Variants in TMCO5A observed in about 807,000 individuals in gnomAD.
TMCO5A encodes transmembrane and coiled-coil domains 5A.
In TMCO5A, 34 loss-of-function variants were observed where a neutral mutation model predicts 42.3. The ratio of observed to expected loss-of-function variants is 0.80; its 90% CI spans 0.61 to 1.07. The LOEUF (loss-of-function observed/expected upper bound fraction) is 1.07, where lower values mean the gene tolerates loss of function less well. TMCO5A is among the 50% of genes least tolerant of loss of function. The pLI is 0.00. For missense variants in TMCO5A, 357 were observed against 327.9 expected, an observed-to-expected ratio of 1.09 and a Z score of -0.69; for synonymous variants, 131 against 115.6, an observed-to-expected ratio of 1.13 and a Z score of -0.86.
At chr15:38,011,397 G>T in the TMCO5A span, among the ~76,000 whole-genome samples, 1 of 151,736 alleles carries the variant, frequency 6.6e-6, no homozygotes, top group South Asian at 2.1e-4. Flanking sequence ...GACAGTGATC[G>T]AGAGAGAGAG....
chr15:37,978,263 A>T, the TMCO5A span, among the ~76,000 whole-genome samples: 31,188 of 152,198 alleles, frequency 0.2, 6,653 homozygotes, highest in African/African-American at 0.55. Context: ...CTGGAGCACA[A>T]ATAAAGCCCT....
At chr15:37,980,500 G>A in the TMCO5A span, among the ~76,000 whole-genome samples, 1 of 152,094 alleles carries the variant, frequency 6.6e-6, no homozygotes. Flanking sequence ...CATGAGTTGT[G>A]TTGCTTCCCC....
the TMCO5A span, among the ~76,000 whole-genome samples, chr15:38,038,382 A>G: frequency 6.6e-6 from 1 of 151,802 alleles, no homozygotes; most frequent in East Asian, 1.9e-4. Context: ...ATCTACTGGT[A>G]TGAGATATGG....
chr15:38,014,887 A>T, the TMCO5A span, among the ~76,000 whole-genome samples: 2 of 110,614 alleles, frequency 1.8e-5, no homozygotes, highest in African/African-American at 6.3e-5. Flanking sequence ...ATATATATAT[A>T]TATATATATA....
At chr15:37,976,852 C>T in the TMCO5A span, among the ~76,000 whole-genome samples, 9 of 130,064 alleles carry the variant, frequency 6.9e-5, no homozygotes, top group Non-Finnish European at 1.4e-4. Context: ...ATAGCACAAT[C>T]TCGGCTCATT....
At chr15:37,953,103 A>C (rs1477391853), downstream of TMCO5A, among the ~76,000 whole-genome samples, 2 of 152,154 alleles carry the variant, frequency 1.3e-5, no homozygotes. Context: ...TGGCCCCTGA[A>C]AGCACCTCTG....
the TMCO5A span, among the ~76,000 whole-genome samples, chr15:38,027,115 C>A: frequency 2.0e-5 from 3 of 152,100 alleles, no homozygotes; most frequent in Non-Finnish European, 2.9e-5. Context: ...GAGAAGAGGG[C>A]CACTGTCCTC....
At chr15:38,031,595 G>A in the TMCO5A span, among the ~76,000 whole-genome samples, 3,328 of 152,144 alleles carry the variant, frequency 0.022, 149 homozygotes, top group African/African-American at 0.076. Flanking sequence ...TGAAGCCTCC[G>A]GCCAACAGTC....
the TMCO5A span, among the ~76,000 whole-genome samples, chr15:37,979,610 G>A: frequency 6.6e-6 from 1 of 152,152 alleles, no homozygotes; most frequent in Non-Finnish European, 1.5e-5. Flanking sequence ...CCAATAAGGA[G>A]TAGTAGGGAC....
At chr15:37,993,890 C>A in the TMCO5A span, among the ~76,000 whole-genome samples, 1 of 152,108 alleles carries the variant, frequency 6.6e-6, no homozygotes, top group Non-Finnish European at 1.5e-5. Context: ...TGAACTTACC[C>A]AGTTTGTCAT....
chr15:37,990,922 A>ATCCTT, the TMCO5A span, among the ~76,000 whole-genome samples: 1 of 152,026 alleles, frequency 6.6e-6, no homozygotes, highest in Non-Finnish European at 1.5e-5. Context: ...CCATCCTCAC[A>ATCCTT]TCCTTTCAGT....
At chr15:37,976,709 T>C in the TMCO5A span, among the ~76,000 whole-genome samples, 3 of 152,120 alleles carry the variant, frequency 2.0e-5, no homozygotes, top group Non-Finnish European at 2.9e-5. Context: ...TTAATACTTG[T>C]AATTGTACTA....
chr15:37,979,160 C>T, the TMCO5A span, among the ~76,000 whole-genome samples: 7 of 152,100 alleles, frequency 4.6e-5, no homozygotes, highest in Admixed American at 4.6e-4. Flanking sequence ...ATGTCAAAGG[C>T]CCTGCCCAGT....
chr15:37,962,210 C>A (rs1165867011), intron 11 of TMCO5A, among the ~76,000 whole-genome samples: 1 of 151,772 alleles, frequency 6.6e-6, no homozygotes, highest in African/African-American at 2.4e-5. Context: ...TGAGGTATCT[C>A]CCTTGTATGC....
the TMCO5A span, chr15:37,984,936 G>GA: frequency 6.6e-6 from 1 of 151,776 alleles, no homozygotes; most frequent in South Asian, 2.1e-4. Context: ...TTGGAAGAAA[G>GA]AAAGAGTCAT....
the TMCO5A span, among the ~76,000 whole-genome samples, chr15:37,987,372 G>A: frequency 6.6e-6 from 1 of 151,716 alleles, no homozygotes; most frequent in African/African-American, 2.4e-5. Flanking sequence ...GTCTTTTGAG[G>A]CCAAAAGTTT....
intron 11 of TMCO5A, among the ~76,000 whole-genome samples, chr15:37,959,120 G>A (rs56263357): frequency 0.11 from 16,734 of 151,774 alleles, 1,191 homozygotes; most frequent in Non-Finnish European, 0.15. Flanking sequence ...CTGTCAGGGG[G>A]TGGGGGGTTA....
the TMCO5A span, among the ~76,000 whole-genome samples, chr15:38,017,646 A>G: frequency 6.6e-6 from 1 of 152,136 alleles, no homozygotes; most frequent in Non-Finnish European, 1.5e-5. Flanking sequence ...TTACCATTAA[A>G]ACATCCTAGA....
the TMCO5A span, among the ~76,000 whole-genome samples, chr15:38,010,205 C>G: frequency 2.2e-4 from 27 of 122,148 alleles, no homozygotes; most frequent in African/African-American, 6.4e-4. Flanking sequence ...AACCCCGTCT[C>G]TACTAAAAAA....
Sources: allele counts gnomAD v4.1 joint callset (sites outside exome capture counted in the v4.1 genomes callset), GRCh38; gene constraint gnomAD v4.1.1; transcripts MANE v1.5; gene names NCBI Gene and HGNC (gene_info 2026-07-23, HGNC 2026-07-21).